Variants in AUTS2 observed in about 807,000 individuals in gnomAD.
AUTS2 encodes the protein autism susceptibility gene 2 protein.
In AUTS2, 17 loss-of-function variants were observed where a neutral mutation model predicts 112.4. The observed-to-expected ratio is 0.15, with a 90% confidence interval of 0.10 to 0.23. AUTS2 has a LOEUF of 0.23. Among genes scored for constraint, AUTS2 ranks in the 10% least tolerant of loss-of-function variants. The pLI is 1.00. For synonymous variants in AUTS2, 751 were observed against 702.7 expected (o/e 1.07, Z -1.09); for missense variants, 1,510 against 1,701.6 (o/e 0.89, Z 1.98).
chr7:70,215,590 G>A (rs1460268458), intron 4 of AUTS2, among the ~76,000 whole-genome samples: 2 of 152,166 alleles, frequency 1.3e-5, no homozygotes, highest in Non-Finnish European at 2.9e-5. Flanking sequence ...AGAAATGATG[G>A]TAACTTAGTT....
At chr7:70,014,807 C>T (rs765876006) in intron 2 of AUTS2, among the ~76,000 whole-genome samples, 107 of 152,292 alleles carry the variant, frequency 7.0e-4, no homozygotes, top group Non-Finnish European at 1.5e-3. Context: ...AATACTGTCC[C>T]CCAGAATACT....
At chr7:70,204,824 C>T (rs1810487457) in intron 4 of AUTS2, among the ~76,000 whole-genome samples, 3 of 152,108 alleles carry the variant, frequency 2.0e-5, no homozygotes, top group African/African-American at 7.2e-5. Context: ...AAAACATCCA[C>T]ACGTCCAAAC....
intron 5 of AUTS2, among the ~76,000 whole-genome samples, chr7:70,670,138 T>G (rs933369274): frequency 6.6e-6 from 1 of 152,234 alleles, no homozygotes; most frequent in Non-Finnish European, 1.5e-5. Context: ...GGACCTCCTC[T>G]CACAAACACT....
intron 4 of AUTS2, among the ~76,000 whole-genome samples, chr7:70,309,534 A>G (rs925331760): frequency 6.6e-6 from 1 of 152,184 alleles, no homozygotes; most frequent in Admixed American, 6.5e-5. Flanking sequence ...TACACACCAC[A>G]TATCTGATTA....
At chr7:69,874,979 G>A (rs781232881) in intron 1 of AUTS2, among the ~76,000 whole-genome samples, 18 of 151,466 alleles carry the variant, frequency 1.2e-4, no homozygotes, top group Non-Finnish European at 2.1e-4. Flanking sequence ...CTGTCAACTC[G>A]TGATGCCTCC....
At chr7:69,624,349 A>T (rs1793833856) in intron 1 of AUTS2, among the ~76,000 whole-genome samples, 1 of 152,078 alleles carries the variant, frequency 6.6e-6, no homozygotes, top group Non-Finnish European at 1.5e-5. Flanking sequence ...GTTTTTTTTA[A>T]AAAAAGTTCC....
At chr7:69,673,208 G>A (rs1486990590) in intron 1 of AUTS2, among the ~76,000 whole-genome samples, 1 of 152,174 alleles carries the variant, frequency 6.6e-6, no homozygotes, top group East Asian at 1.9e-4. Context: ...CTGTGCTTTA[G>A]TGGGGCACAG....
intron 1 of AUTS2, among the ~76,000 whole-genome samples, chr7:69,657,614 A>G (rs904583428): frequency 1.3e-5 from 2 of 152,226 alleles, no homozygotes; most frequent in Non-Finnish European, 2.9e-5. Context: ...GTTCTGATAA[A>G]GCCTGAGCAG....
intron 4 of AUTS2, among the ~76,000 whole-genome samples, chr7:70,419,294 T>G (rs1435383277): frequency 6.6e-6 from 1 of 152,168 alleles, no homozygotes; most frequent in East Asian, 1.9e-4. Flanking sequence ...TGTACTAGGT[T>G]AGTGCAGAGA....
chr7:70,280,329 G>A (rs1788150546), intron 4 of AUTS2, among the ~76,000 whole-genome samples: 1 of 148,594 alleles, frequency 6.7e-6, no homozygotes, highest in South Asian at 2.2e-4. Context: ...CTGTCCCCAG[G>A]CTGGAGTGCA....
chr7:70,742,896 C>A (rs1321179609), intron 6 of AUTS2, among the ~76,000 whole-genome samples: 1 of 152,170 alleles, frequency 6.6e-6, no homozygotes, highest in Non-Finnish European at 1.5e-5. Context: ...GAAGCCCAAA[C>A]TTCTCTCTTT....
At chr7:70,163,347 G>C (rs1389600665) in intron 4 of AUTS2, among the ~76,000 whole-genome samples, 4 of 100,132 alleles carry the variant, frequency 4.0e-5, no homozygotes, top group South Asian at 8.3e-4. Flanking sequence ...GTGGTGGTGG[G>C]GGGGGGGGGG....
chr7:69,604,538 G>A (rs926400565), intron 1 of AUTS2, among the ~76,000 whole-genome samples: 1 of 152,248 alleles, frequency 6.6e-6, no homozygotes, highest in Non-Finnish European at 1.5e-5. Flanking sequence ...ATAGGCTGAA[G>A]TGTTCCAGAA....
At chr7:69,990,992 G>T (rs1798720142) in intron 2 of AUTS2, among the ~76,000 whole-genome samples, 1 of 152,182 alleles carries the variant, frequency 6.6e-6, no homozygotes, top group South Asian at 2.1e-4. Flanking sequence ...CTCATTAGTA[G>T]AGGAGAGAGG....
intron 5 of AUTS2, among the ~76,000 whole-genome samples, chr7:70,543,531 G>GAA (rs5884786): frequency 7.9e-5 from 9 of 113,412 alleles, no homozygotes; most frequent in Non-Finnish European, 1.5e-4. Context: ...TCCATCTTGG[G>GAA]AAAAAAAAAA....
chr7:69,822,284 A>G (rs1459828934), intron 1 of AUTS2, among the ~76,000 whole-genome samples: 2 of 152,190 alleles, frequency 1.3e-5, no homozygotes, highest in African/African-American at 2.4e-5. Flanking sequence ...ATTGATTTTT[A>G]TAGAAGGTCC....
intron 4 of AUTS2, among the ~76,000 whole-genome samples, chr7:70,305,394 T>G (rs1789448605): frequency 6.6e-6 from 1 of 152,224 alleles, no homozygotes. Context: ...AAAAGACATT[T>G]AACCATATAA....
chr7:70,368,723 G>T (rs889609048), intron 4 of AUTS2, among the ~76,000 whole-genome samples: 5 of 152,142 alleles, frequency 3.3e-5, no homozygotes, highest in Non-Finnish European at 1.5e-5. Context: ...GCCTGGAATT[G>T]GGGAAGCACA....
intron 2 of AUTS2, among the ~76,000 whole-genome samples, chr7:70,089,142 G>A (rs7796592): frequency 0.22 from 33,820 of 151,876 alleles, 3,849 homozygotes; most frequent in Middle Eastern, 0.3. Context: ...TATCCTTCTC[G>A]ATTGTCTATT....
Sources: gnomAD v4.1 joint callset for allele counts (sites outside exome capture counted in the v4.1 genomes callset) on GRCh38, gnomAD v4.1.1 for gene constraint, MANE v1.5 for transcripts, NCBI Gene and HGNC (gene_info 2026-07-23, HGNC 2026-07-21) for gene names.